The following ABTB2 variants were observed in gnomAD, a reference collection of about 807,000 sequenced individuals.
ABTB2 encodes ankyrin repeat and BTB/POZ domain-containing protein 2.
Under a neutral mutation model 104.1 loss-of-function variants are expected in ABTB2, and 56 were observed. That is an observed-to-expected ratio of 0.54 (90% confidence interval 0.43 to 0.67). The LOEUF (loss-of-function observed/expected upper bound fraction) is 0.67, where lower values mean the gene tolerates loss of function less well. Among genes scored for constraint, ABTB2 ranks in the 30% least tolerant of loss-of-function variants. The pLI is 0.00. For missense variants in ABTB2, 1,279 were observed against 1,407.7 expected (o/e 0.91, Z 1.46); for synonymous variants, 606 against 608.2 (o/e 1.00, Z 0.05).
chr11:34,240,016 T>G (rs1169390967), intron 1 of ABTB2, among the ~76,000 whole-genome samples: 1 of 152,162 alleles, frequency 6.6e-6, no homozygotes, highest in Non-Finnish European at 1.5e-5. Flanking sequence ...TTATTTCAGT[T>G]CCATAATCAA....
At chr11:34,350,894 G>A (rs1230375436) in intron 1 of ABTB2, among the ~76,000 whole-genome samples, 1 of 152,180 alleles carries the variant, frequency 6.6e-6, no homozygotes, top group Non-Finnish European at 1.5e-5. Context: ...ATTGAGCTGT[G>A]AATTCTGGAC....
In ABTB2 at chr11:34,213,632, G is replaced by A. The variant is rs141497206; in HGVS notation, c.884-8942C>T. 4.5e-3 allele frequency among the ~76,000 whole-genome samples: 678 copies of A among 152,322 alleles called. 5 individuals are homozygous for A. Among genetic ancestry groups the A allele is most frequent in the African/African-American group, 0.016 (651 of 41,564 alleles). The stretch of plus-strand genomic sequence containing the variant: ...GAGGATGACTATTAGGTGCCTGTAA[G>A]AAAACTAGCAGGGATGCTACATTGC... On this transcript the variant is annotated intron_variant, in intron 1 of 16. Transcript: ENST00000435224.
In ABTB2 at chr11:34,197,428, G is replaced by C. The variant is rs200205369; in HGVS notation, c.1141C>G (p.Pro381Ala). The change falls in exon 3 of 17, where the codon CCC becomes GCC. Residue 381 changes from proline (P) to alanine (A), a missense_variant. Physicochemically the swap from Pro to Ala is conservative, Grantham distance 27 (BLOSUM62 -1). Coordinates refer to ENST00000435224, the MANE Select transcript of ABTB2 (RefSeq NM_145804.3). Reference sequence around the variant, plus strand: ...TAGTAGAGCGTGTGGAGGGCGTCGGGGGACCAAGTGATGGGCTGTGGCGGC... The same window carrying C: ...TAGTAGAGCGTGTGGAGGGCGTCGGCGGACCAAGTGATGGGCTGTGGCGGC... ...RQPPQPITWS[P>A]DALHTLYYFL... 115 of 1,607,392 alleles carry C rather than the reference G, an allele frequency of 7.2e-5. No homozygotes were observed. The highest frequency in any genetic ancestry group is 8.8e-5 in the Non-Finnish European group (103 of 1,175,646).
Position 34,152,320 on chromosome 11 carries a change from CATACCCCGACATGGTGGGCCCTG to C in ABTB2, c.*44_*66del, listed in dbSNP as rs1291202673. 2 of 1,498,466 alleles carry C rather than the reference CATACCCCGACATGGTGGGCCCTG, an allele frequency of 1.3e-6. No homozygotes were observed. Among genetic ancestry groups the C allele is most frequent in the Non-Finnish European group, 1.8e-6 (2 of 1,118,336 alleles). The allele number at this position is 1,498,466 out of a possible 1,614,324, so 92.8% of individuals were successfully genotyped here. ...ACCTGGCTCCAAGAGGGCCTACAAC[CATACCCCGACATGGTGGGCCCTG>C]GCACCTCCACAGGCCCTGGCCTCGG... On this transcript the variant is annotated 3_prime_UTR_variant, in exon 17 of 17. Coordinates refer to ENST00000435224, the MANE Select transcript of ABTB2 (RefSeq NM_145804.3).
chr11:34,211,456 G>A (rs1017802632), intron 1 of ABTB2, among the ~76,000 whole-genome samples: 1 of 152,094 alleles, frequency 6.6e-6, no homozygotes, highest in Non-Finnish European at 1.5e-5. Flanking sequence ...TCACTGAATA[G>A]TATTCCACAT....
chr11:34,238,562 C>A (rs1038275241), intron 1 of ABTB2, among the ~76,000 whole-genome samples: 1 of 152,158 alleles, frequency 6.6e-6, no homozygotes, highest in Middle Eastern at 3.4e-3. Flanking sequence ...GAACAAATAC[C>A]AATCCGGTAC....
rs151308415 is a variant in ABTB2, at chr11:34,160,994, C to T, written c.2306G>A (p.Arg769Gln). Reference protein sequence around the residue: ...SRYSVVQSLLRDFSSIREEEY... With the variant: ...SRYSVVQSLLQDFSSIREEEY... ...CTCCTCTCTGATGGAGCTGAAGTCC[C>T]GCAGGAGGCTCTGCACCACCGAGTA... Residue 769 changes from arginine (R) to glutamine (Q), a missense_variant, in exon 11 of 17, where the codon CGG becomes CAG. Arg to Gln is a conservative substitution (Grantham distance 43). Transcript: ENST00000435224. 22 of 1,613,616 alleles carry T rather than the reference C, an allele frequency of 1.4e-5. No homozygotes were observed. The highest frequency in any genetic ancestry group is 4.4e-5 in the South Asian group (4 of 91,060).
In ABTB2 at chr11:34,243,804, C is replaced by T. The variant is rs73495551; in HGVS notation, c.884-39114G>A. ...AGGACCAAGCCCTGAATGTCTAGAG[C>T]ACGGTTCTTCGCAGACACACCCCAG... On this transcript the variant is annotated intron_variant, in intron 1 of 16. Transcript: ENST00000435224. 8.8e-4 allele frequency among the ~76,000 whole-genome samples: 134 copies of T among 152,268 alleles called. 1 individual carries two copies. The highest frequency in any genetic ancestry group is 3.1e-3 in the African/African-American group (129 of 41,556).
chr11:34,306,166 A>G (rs1854768105), intron 1 of ABTB2, among the ~76,000 whole-genome samples: 3 of 151,916 alleles, frequency 2.0e-5, no homozygotes, highest in Admixed American at 2.0e-4. Flanking sequence ...TCCTTATACA[A>G]CATTGTAGAC....
At chr11:34,166,976 C>T (rs750643728) in intron 7 of ABTB2, among the ~76,000 whole-genome samples, 5 of 152,186 alleles carry the variant, frequency 3.3e-5, no homozygotes, top group Non-Finnish European at 7.3e-5. Context: ...CCAGTGTGCC[C>T]GACACGAGAG....
At chr11:34,344,750 A>T (rs1350168748) in intron 1 of ABTB2, among the ~76,000 whole-genome samples, 1 of 152,200 alleles carries the variant, frequency 6.6e-6, no homozygotes, top group African/African-American at 2.4e-5. Flanking sequence ...CACCTGCCTC[A>T]GCCTCCTAAG....
rs556233915 is a variant in ABTB2, at chr11:34,332,900, G to A, written c.883+23801C>T. On this transcript the variant is annotated intron_variant, in intron 1 of 16. Transcript: ENST00000435224. Reference sequence around the variant, plus strand: ...GGAGTCACAGGACATGGAAGGAAATGGAGGGCACAGGAACATGAATTATGG... The same window carrying A: ...GGAGTCACAGGACATGGAAGGAAATAGAGGGCACAGGAACATGAATTATGG... Among the ~76,000 whole-genome samples, 7 of 152,292 alleles carry A rather than the reference G, an allele frequency of 4.6e-5. No individual in the cohort carries two copies. The South Asian group carries it at 1.5e-3, about 32-fold the overall frequency.
intron 1 of ABTB2, among the ~76,000 whole-genome samples, chr11:34,240,550 A>C (rs1485849765): frequency 2.0e-5 from 3 of 152,190 alleles, no homozygotes; most frequent in Non-Finnish European, 4.4e-5. Context: ...CAGTTCTATC[A>C]AGAGGCCCCT....
In ABTB2 at chr11:34,357,280, C is replaced by T. The variant is rs1170597841; in HGVS notation, c.304G>A (p.Gly102Arg). The T allele has an allele frequency of 2.0e-6, 3 of 1,501,396 alleles. No individual in the cohort carries two copies. Among genetic ancestry groups the T allele is most frequent in the Non-Finnish European group, 2.7e-6 (3 of 1,126,392 alleles). 93.0% of individuals were successfully genotyped at this position (1,501,396 alleles called of 1,614,324 possible). ...PELEEFPWTEGDVARVLRKGA... is the reference protein window; with the variant it reads ...PELEEFPWTERDVARVLRKGA... ...TTGCGGAGCACCCGGGCCACGTCTC[C>T]TTCGGTCCAGGGGAACTCCTCCAGC... The change falls in exon 1 of 17, where the codon GGA becomes AGA. Residue 102 changes from glycine (G) to arginine (R), a missense_variant. By Grantham distance (125) the Gly-to-Arg change is moderately radical. Coordinates refer to ENST00000435224, the MANE Select transcript of ABTB2 (RefSeq NM_145804.3).
At chr11:34,335,474 A>G in intron 1 of ABTB2, 1 of 821,176 alleles carries the variant, frequency 1.2e-6, no homozygotes, top group Non-Finnish European at 2.1e-6. Context: ...TCTGTGTTAC[A>G]GTCAGAATGA....
intron 2 of ABTB2, among the ~76,000 whole-genome samples, chr11:34,199,702 A>T (rs734263): frequency 0.22 from 32,894 of 152,048 alleles, 3,933 homozygotes; most frequent in South Asian, 0.31. Flanking sequence ...AGAGAAAGAG[A>T]AATCCCTTAC....
Position 34,154,460 on chromosome 11 carries a change from G to T in ABTB2, c.2767-82C>A. The T allele has an allele frequency of 9.4e-7, 1 of 1,065,486 alleles. No homozygotes were observed. The allele number at this position is 1,065,486 out of a possible 1,614,324, so 66.0% of individuals were successfully genotyped here. ...AGCACCGAACAGAAAGCTCCCGAGTGCCGTGTGCCCTGCTGCCTCCACCCT... is the reference window on the plus strand; with the variant it reads ...AGCACCGAACAGAAAGCTCCCGAGTTCCGTGTGCCCTGCTGCCTCCACCCT... On this transcript the variant is annotated intron_variant, in intron 15 of 16. Coordinates refer to ENST00000435224, the MANE Select transcript of ABTB2 (RefSeq NM_145804.3). The surrounding 1 kb of genome is among the most constrained non-coding windows in gnomAD (Gnocchi z 4.9).
intron 1 of ABTB2, among the ~76,000 whole-genome samples, chr11:34,222,886 C>A (rs564032541): frequency 6.6e-6 from 1 of 152,290 alleles, no homozygotes; most frequent in African/African-American, 2.4e-5. Flanking sequence ...TCTGGGGGAA[C>A]GACAGAGCCT....
At chr11:34,326,661 A>T (rs576374476) in intron 1 of ABTB2, among the ~76,000 whole-genome samples, 2 of 152,238 alleles carry the variant, frequency 1.3e-5, no homozygotes, top group South Asian at 4.2e-4. Context: ...AATAATCTAA[A>T]GGCAGGAAAG....
Sources: gnomAD v4.1 joint callset for allele counts (sites outside exome capture counted in the v4.1 genomes callset) on GRCh38, gnomAD v4.1.1 for gene constraint, Gnocchi (gnomAD v3.1) non-coding constraint, MANE v1.5 for transcripts, NCBI Gene and HGNC (gene_info 2026-07-23, HGNC 2026-07-21) for gene names.